MAD1L1: variants seen among roughly 807,000 people sequenced by gnomAD.
MAD1L1 encodes mitotic spindle assembly checkpoint protein MAD1.
Under a neutral mutation model 96.9 loss-of-function variants are expected in MAD1L1, and 95 were observed. That is an observed-to-expected ratio of 0.98 (90% CI 0.83 to 1.16). MAD1L1 has a LOEUF of 1.16. MAD1L1 is among the 50% of genes most tolerant of loss of function. MAD1L1 has a pLI of 0.00. For synonymous variants in MAD1L1, 473 were observed against 396.6 expected (o/e 1.19, Z -2.29); for missense variants, 1,007 against 954.4 (o/e 1.06, Z -0.73).
At chr7:2,126,891 G>A (rs1788258716) in intron 11 of MAD1L1, among the ~76,000 whole-genome samples, 1 of 152,154 alleles carries the variant, frequency 6.6e-6, no homozygotes, top group African/African-American at 2.4e-5. Context: ...ACACTGCCAG[G>A]CAAATCAGCT....
chr7:1,918,529 ATC>A (rs1399598230), intron 17 of MAD1L1, among the ~76,000 whole-genome samples: 1 of 152,118 alleles, frequency 6.6e-6, no homozygotes, highest in Non-Finnish European at 1.5e-5. Context: ...TCCAGGGAGG[ATC>A]TGTTTGCAGG....
intron 11 of MAD1L1, among the ~76,000 whole-genome samples, chr7:2,117,607 G>C (rs1263602589): frequency 6.6e-6 from 1 of 152,166 alleles, no homozygotes; most frequent in Non-Finnish European, 1.5e-5. Flanking sequence ...TCCCCCTTTT[G>C]CTCGGCACTT....
intron 16 of MAD1L1, among the ~76,000 whole-genome samples, chr7:1,945,674 T>C (rs1779197930): frequency 1.3e-5 from 2 of 152,202 alleles, no homozygotes. Context: ...CCCTCTTTCA[T>C]GTATTCTGCT....
chr7:1,939,445 A>G (rs1778833194), intron 16 of MAD1L1, among the ~76,000 whole-genome samples: 1 of 152,084 alleles, frequency 6.6e-6, no homozygotes, highest in Admixed American at 6.5e-5. Context: ...TGGGGCAGTG[A>G]GACTGGATGG....
intron 18 of MAD1L1, among the ~76,000 whole-genome samples, chr7:1,856,163 CCCCGCG>C (rs1236374393): frequency 2.6e-5 from 4 of 152,356 alleles, no homozygotes; most frequent in Admixed American, 6.5e-5. Context: ...TGTGGCAAGG[CCCCGCG>C]CCCTCCTGCT....
At chr7:1,959,853 C>A (rs773817144) in intron 15 of MAD1L1, among the ~76,000 whole-genome samples, 7 of 152,030 alleles carry the variant, frequency 4.6e-5, no homozygotes, top group Non-Finnish European at 7.4e-5. Flanking sequence ...CAGATCTGCA[C>A]GGAGAACCAG....
At chr7:1,817,916 C>T (rs1781908477) in intron 18 of MAD1L1, among the ~76,000 whole-genome samples, 1 of 151,926 alleles carries the variant, frequency 6.6e-6, no homozygotes, top group African/African-American at 2.4e-5. Flanking sequence ...GCACGTGCTG[C>T]CCCAGAGGCC....
intron 11 of MAD1L1, among the ~76,000 whole-genome samples, chr7:2,124,274 G>C (rs1400282797): frequency 6.6e-6 from 1 of 152,170 alleles, no homozygotes; most frequent in Non-Finnish European, 1.5e-5. Context: ...CCTCTTCCAA[G>C]ACTCCAGGGG....
chr7:2,089,696 G>T (rs1008614759), intron 11 of MAD1L1, among the ~76,000 whole-genome samples: 52 of 148,588 alleles, frequency 3.5e-4, no homozygotes, highest in African/African-American at 1.3e-3. Flanking sequence ...CACGTGCATC[G>T]TGTTTAATCA....
chr7:2,042,953 G>A (rs749207795), intron 12 of MAD1L1, among the ~76,000 whole-genome samples: 5 of 152,126 alleles, frequency 3.3e-5, no homozygotes, highest in Non-Finnish European at 5.9e-5. Context: ...AGGGCCAGAG[G>A]ACGCTGCCAC....
rs1030676345 is a variant in MAD1L1 at position 2,028,168 on chromosome 7, G to A, written c.1219-13526C>T. Reference sequence around the variant, plus strand: ...AGGCCGGGCGCGGTGACTCACGCCTGTAATCCCAGCACTTTGGGAGGCCGA... The same window carrying A: ...AGGCCGGGCGCGGTGACTCACGCCTATAATCCCAGCACTTTGGGAGGCCGA... On this transcript the variant is annotated intron_variant, in intron 12 of 18. Coordinates refer to ENST00000265854, the MANE Select transcript of MAD1L1 (RefSeq NM_001013836.2). Among the ~76,000 whole-genome samples, 5 of 152,152 alleles carry A rather than the reference G, an allele frequency of 3.3e-5. No individual in the cohort carries two copies. The South Asian group carries it at 6.2e-4, about 19-fold the overall frequency.
intron 10 of MAD1L1, among the ~76,000 whole-genome samples, chr7:2,188,012 T>C (rs1791541625): frequency 6.6e-6 from 1 of 152,230 alleles, no homozygotes; most frequent in Non-Finnish European, 1.5e-5. Flanking sequence ...TAAAGACTTT[T>C]CAATAACTTG....
chr7:2,079,641 A>G (rs999974798), intron 11 of MAD1L1: 2 of 470,806 alleles, frequency 4.2e-6, no homozygotes, highest in African/African-American at 4.0e-5. Flanking sequence ...GCCCTTTGCA[A>G]TTTCAATTCA....
intron 12 of MAD1L1, among the ~76,000 whole-genome samples, chr7:2,065,803 C>G (rs533362591): frequency 6.6e-6 from 1 of 152,174 alleles, no homozygotes; most frequent in Non-Finnish European, 1.5e-5. Flanking sequence ...TGCTGTGAGA[C>G]AGGGCGGGAG....
chr7:2,229,308 C>T (rs1794076161), intron 3 of MAD1L1, among the ~76,000 whole-genome samples: 1 of 152,184 alleles, frequency 6.6e-6, no homozygotes, highest in African/African-American at 2.4e-5. Context: ...CTCCACTCCC[C>T]ACCACTCCCT....
rs894115857 is a variant in MAD1L1, at chr7:2,146,751, G to T, written c.1073+2401C>A. Reference sequence around the variant, plus strand: ...GTGGCCTCCCATCTTCTGCCATGCCGCCTCCTTCACGCTCATCTGAATTTC... The same window carrying T: ...GTGGCCTCCCATCTTCTGCCATGCCTCCTCCTTCACGCTCATCTGAATTTC... On this transcript the variant is annotated intron_variant, in intron 11 of 18. Coordinates refer to ENST00000265854, the MANE Select transcript of MAD1L1 (RefSeq NM_001013836.2). This position sits in a 1 kb window ranked among gnomAD's most constrained non-coding sequence, Gnocchi z 6.2. Among the ~76,000 whole-genome samples, 5 of 152,160 alleles carry T rather than the reference G, an allele frequency of 3.3e-5. No homozygotes were observed. The highest frequency in any genetic ancestry group is 1.2e-4 in the African/African-American group (5 of 41,424).
chr7:1,849,816 G>C (rs1783867052), intron 18 of MAD1L1: 1 of 152,338 alleles, frequency 6.6e-6, no homozygotes, highest in African/African-American at 2.4e-5. Context: ...GGCAGCGGAA[G>C]CAGGACGGCG....
At chr7:2,008,161 T>C (rs1248966432) in intron 13 of MAD1L1, among the ~76,000 whole-genome samples, 3 of 152,050 alleles carry the variant, frequency 2.0e-5, no homozygotes, top group African/African-American at 7.2e-5. Flanking sequence ...AAACATGGAA[T>C]CCCCAGAGCT....
At chr7:1,887,483 G>A (rs914690990) in intron 18 of MAD1L1, among the ~76,000 whole-genome samples, 1 of 151,538 alleles carries the variant, frequency 6.6e-6, no homozygotes, top group Admixed American at 6.6e-5. Flanking sequence ...GTGGCTGCCC[G>A]TGTGGGTGCA....
Sources: gnomAD v4.1 joint callset for allele counts (sites outside exome capture counted in the v4.1 genomes callset) on GRCh38, gnomAD v4.1.1 for gene constraint, Gnocchi (gnomAD v3.1) non-coding constraint, MANE v1.5 for transcripts, NCBI Gene and HGNC (gene_info 2026-07-23, HGNC 2026-07-21) for gene names.